FBRS: variants seen among roughly 807,000 people sequenced by gnomAD.
FBRS encodes the protein probable fibrosin-1.
A neutral mutation model predicts 86.1 loss-of-function variants in FBRS; 15 were observed. That is an observed-to-expected ratio of 0.17 (90% CI 0.12 to 0.27). The LOEUF (loss-of-function observed/expected upper bound fraction) is 0.27. Among genes scored for constraint, FBRS ranks in the 10% least tolerant of loss-of-function variants. The pLI, the probability that FBRS is intolerant of heterozygous loss-of-function variation, is 1.00. For synonymous variants in FBRS, 666 were observed against 575.8 expected, an observed-to-expected ratio of 1.16 and a Z score of -2.24; for missense variants, 1,367 against 1,301.6, an observed-to-expected ratio of 1.05 and a Z score of -0.77.
Position 30,669,398 on chromosome 16 carries a change from A to C in FBRS, c.2696A>C (p.Glu899Ala). The change falls in exon 18 of 18, where the codon GAG becomes GCG. Residue 899 changes from glutamate (E) to alanine (A), a missense_variant. By Grantham distance (107) the Glu-to-Ala change is moderately radical (BLOSUM62 -1). Around this residue, in one of 3 missense-constraint regions of FBRS, gnomAD observed 659 missense variants for 678.8 expected, o/e 0.97. Coordinates refer to ENST00000356166, the MANE Select transcript of FBRS (RefSeq NM_001105079.3). This position sits in a 1 kb window ranked among gnomAD's most constrained non-coding sequence, Gnocchi z 5.9. ...CTGGCAAGGCCACCCCGCTTCTATGAGGCGGGTGAGGAGCTAACTGGACCC... is the reference window on the plus strand; with the variant it reads ...CTGGCAAGGCCACCCCGCTTCTATGCGGCGGGTGAGGAGCTAACTGGACCC... ...PRLARPPRFY[E>A]AGEELTGPGA... The C allele has an allele frequency of 6.2e-7, 1 of 1,612,674 alleles. No homozygotes were observed. Among genetic ancestry groups the C allele is most frequent in the Non-Finnish European group, 8.5e-7 (1 of 1,179,740 alleles).
intron 4 of FBRS, among the ~76,000 whole-genome samples, chr16:30,661,788 G>A (rs547186134): frequency 6.6e-6 from 1 of 152,062 alleles, no homozygotes; most frequent in Admixed American, 6.5e-5. Flanking sequence ...GGGGCGATTT[G>A]CTTGTTGTGA....
chr16:30,660,585 C>T (rs2052447392), intron 2 of FBRS, 143 bp downstream of exon 2: 3 of 1,238,198 alleles, frequency 2.4e-6, no homozygotes, highest in Non-Finnish European at 3.1e-6. Context: ...AGCCCTTACT[C>T]ATCCGGGTCT....
At position 30,665,974 on chromosome 16, in the gene FBRS, T is replaced by G. The variant is rs1401915427; in HGVS notation, c.1773+268T>G. ...CTTTTTAATAAAGTTACAAAACACT[T>G]TTTTTCCAAATGACATCATACCAGG... On this transcript the variant is annotated intron_variant, in intron 11 of 17. Transcript: ENST00000356166. The surrounding 1 kb of genome is among the most constrained non-coding windows in gnomAD (Gnocchi z 4.1). 1.0e-5 allele frequency: 5 copies of G among 489,630 alleles called. No homozygotes were observed. Among genetic ancestry groups the G allele is most frequent in the Non-Finnish European group, 1.8e-5 (5 of 277,182 alleles). 30.3% of individuals were successfully genotyped at this position (489,630 alleles called of 1,614,324 possible). A position where few individuals can be genotyped will look rare whatever the true frequency, so the allele number is the denominator to read the frequency against.
chr16:30,662,877 A>C lies in FBRS; in HGVS notation c.1055+18A>C. Reference sequence around the variant, plus strand: ...ACTGGCAGGTGAGTGGTCTTGGGGGATTGATGCGGTCCGGAAGGGCCTGGT... The same window carrying C: ...ACTGGCAGGTGAGTGGTCTTGGGGGCTTGATGCGGTCCGGAAGGGCCTGGT... On this transcript the variant is annotated intron_variant, in intron 6 of 17. Transcript: ENST00000356166. 7.0e-7 allele frequency: 1 copy of C among 1,431,106 alleles called. No individual in the cohort carries two copies. Among genetic ancestry groups the C allele is most frequent in the Non-Finnish European group, 9.2e-7 (1 of 1,088,074 alleles). The allele number at this position is 1,431,106 out of a possible 1,614,324, so 88.7% of individuals were successfully genotyped here. A position where few individuals can be genotyped will look rare whatever the true frequency, so the allele number is the denominator to read the frequency against.
In FBRS at chr16:30,668,663, G is replaced by C; in HGVS notation, c.2158+20G>C. 6.3e-7 allele frequency: 1 copy of C among 1,592,462 alleles called. No individual in the cohort carries two copies. The highest frequency in any genetic ancestry group is 1.3e-5 in the African/African-American group (1 of 74,656). ...CATTCAGTGAGTGCGGGTGCGGTGG[G>C]GTGGGGGGGCTGCGGCCACAGGGTG... On this transcript the variant is annotated intron_variant, in intron 16 of 17. Coordinates refer to ENST00000356166, the MANE Select transcript of FBRS (RefSeq NM_001105079.3).
Position 30,669,240 on chromosome 16 carries a change from C to A in FBRS, c.2538C>A (p.Ala846=). Reference sequence around the variant, plus strand: ...CTGCTGCCGCCGCCGCTGCCGCCGCCGCAGCAGCCACTGGGCCCCAGGGCC... The same window carrying A: ...CTGCTGCCGCCGCCGCTGCCGCCGCAGCAGCAGCCACTGGGCCCCAGGGCC... ...AAAAAAAAAA[A]AAATGPQGLH... The change falls in exon 18 of 18, where the codon GCC becomes GCA. Residue 846 remains alanine, a synonymous_variant. Transcript: ENST00000356166. This position sits in a 1 kb window ranked among gnomAD's most constrained non-coding sequence, Gnocchi z 5.9. 1.3e-6 allele frequency: 2 copies of A among 1,551,960 alleles called. No individual in the cohort carries two copies. Among genetic ancestry groups the A allele is most frequent in the Non-Finnish European group, 1.7e-6 (2 of 1,148,070 alleles).
At chr16:30,667,694 C>T (rs2052540104) in intron 15 of FBRS, 72 bp downstream of exon 15, 3 of 1,351,242 alleles carry the variant, frequency 2.2e-6, no homozygotes, top group African/African-American at 1.5e-5. Context: ...TCAGACCCAG[C>T]AGGCAGCTGG....
In FBRS at chr16:30,659,035, TAAA is replaced by T. The variant is rs2052419968; in HGVS notation, c.-483_-481del. The stretch of plus-strand genomic sequence containing the variant: ...GCTGTTAGAAGGACCCTGGACTCCT[TAAA>T]GGGGTGGCCTCTTTGAGCCGGAGGA... On this transcript the variant is annotated 5_prime_UTR_variant, in exon 1 of 18. Coordinates refer to ENST00000356166, the MANE Select transcript of FBRS (RefSeq NM_001105079.3). The T allele has an allele frequency of 1.3e-5, 2 of 152,254 alleles. No homozygotes were observed. Among genetic ancestry groups the T allele is most frequent in the African/African-American group, 4.8e-5 (2 of 41,526 alleles). The allele number at this position is 152,254 out of a possible 1,614,324, so 9.4% of individuals were successfully genotyped here. A position where few individuals can be genotyped will look rare whatever the true frequency, so the allele number is the denominator to read the frequency against.
Position 30,664,329 on chromosome 16 carries a change from C to G in FBRS, c.1170C>G (p.Thr390=). The change falls in exon 7 of 18, where the codon ACC becomes ACG. Residue 390 remains threonine, a synonymous_variant. Coordinates refer to ENST00000356166, the MANE Select transcript of FBRS (RefSeq NM_001105079.3). ...CCTCCTCCTCGTCCGCGCAGCTCAC[C>G]CACCGGCCCCCGACGCCCTCACTGC... ...SSASSSSAQL[T]HRPPTPSLPL... is the part of the protein sequence containing the mutation. 6.5e-7 allele frequency: 1 copy of G among 1,544,542 alleles called. No homozygotes were observed. Among genetic ancestry groups the G allele is most frequent in the South Asian group, 1.2e-5 (1 of 83,606 alleles).
At chr16:30,668,262 G>C (rs1299434069) in intron 15 of FBRS, 3 of 391,526 alleles carry the variant, frequency 7.7e-6, no homozygotes, top group African/African-American at 6.1e-5. Flanking sequence ...GCCCTGGGTT[G>C]GTACCGCTCC....
rs1205441397 is a variant in FBRS, at chr16:30,665,876, A to G, written c.1773+170A>G. ...TAAATAGCTGGCTTTCCCAGGCATGAGGAATGAGAGTTTCATGAGCTTGTC... is the reference window on the plus strand; with the variant it reads ...TAAATAGCTGGCTTTCCCAGGCATGGGGAATGAGAGTTTCATGAGCTTGTC... On this transcript the variant is annotated intron_variant, in intron 11 of 17. Transcript: ENST00000356166. This position sits in a 1 kb window ranked among gnomAD's most constrained non-coding sequence, Gnocchi z 4.1. 6.7e-6 allele frequency: 4 copies of G among 599,100 alleles called. No individual in the cohort carries two copies. The highest frequency in any genetic ancestry group is 1.9e-5 in the African/African-American group (1 of 53,346). The allele number at this position is 599,100 out of a possible 1,614,324, so 37.1% of individuals were successfully genotyped here.
In FBRS at chr16:30,660,249, C is replaced by G. The variant is rs1310102454; in HGVS notation, c.460-14C>G. The G allele has an allele frequency of 7.5e-7, 1 of 1,328,998 alleles. No individual in the cohort carries two copies. The highest frequency in any genetic ancestry group is 1.5e-5 in the African/African-American group (1 of 65,200). The allele number at this position is 1,328,998 out of a possible 1,614,324, so 82.3% of individuals were successfully genotyped here. The stretch of plus-strand genomic sequence containing the variant: ...CCTTTTCCATCTATCTCAGCCCCAC[C>G]TCCTCCTCCACAGAAGGATGCATCT... On this transcript the variant is annotated splice_polypyrimidine_tract_variant and intron_variant, in intron 1 of 17. Transcript: ENST00000356166.
intron 6 of FBRS, among the ~76,000 whole-genome samples, chr16:30,663,790 C>A (rs1230306216): frequency 6.6e-6 from 1 of 152,196 alleles, no homozygotes; most frequent in Admixed American, 6.5e-5. Context: ...TGCTCAAGGT[C>A]ACCCCGGGCA....
intron 11 of FBRS, chr16:30,666,078 T>TG: frequency 2.5e-6 from 1 of 405,478 alleles, no homozygotes; most frequent in Non-Finnish European, 4.5e-6. Flanking sequence ...CCTTAGCACT[T>TG]GCAGCAGTGT....
At position 30,667,414 on chromosome 16, in the gene FBRS, C is replaced by T. The variant is rs201854581; in HGVS notation, c.1970C>T (p.Pro657Leu). The T allele has an allele frequency of 9.7e-6, 15 of 1,548,670 alleles. No individual in the cohort carries two copies. The highest frequency in any genetic ancestry group is 2.4e-5 in the East Asian group (1 of 40,868). ...CCCCCTGGGCAGGAGCTCTCCCACC[C>T]GGCCTCCCTCTTCACTGCGACTGGT... The part of the protein sequence containing the change: ...ALPPGQELSH[P>L]ASLFTATGAV... Residue 657 changes from proline to leucine, a missense_variant, in exon 14 of 18, where the codon CCG (proline) becomes CTG (leucine). This residue lies in a region of FBRS where 659 missense variants were observed against 678.8 expected (regional missense o/e 0.97). Transcript: ENST00000356166.
intron 4 of FBRS, 174 bp from the exon 5 acceptor site, chr16:30,662,246 T>C: frequency 1.0e-6 from 1 of 1,000,826 alleles, no homozygotes; most frequent in Admixed American, 2.8e-5. Flanking sequence ...CCACTCTGCT[T>C]TTTCTCCAAG....
Position 30,664,793 on chromosome 16 carries a change from G to C in FBRS, c.1436G>C (p.Gly479Ala). The change falls in exon 8 of 18, where the codon GGC (glycine) becomes GCC (alanine). Residue 479 changes from glycine to alanine, a missense_variant. By Grantham distance (60) the Gly-to-Ala change is moderately conservative. Transcript: ENST00000356166. ...QGGPEVVGAGGSARPLAFQFH... is the reference protein window; with the variant it reads ...QGGPEVVGAGASARPLAFQFH... ...GGCCCTGAGGTGGTGGGGGCAGGGG[G>C]CTCGGCCCGGCCCCTGGCCTTCCAG... The C allele has an allele frequency of 6.4e-7, 1 of 1,554,016 alleles. No homozygotes were observed. Among genetic ancestry groups the C allele is most frequent in the Non-Finnish European group, 8.7e-7 (1 of 1,148,356 alleles).
At chr16:30,662,969 A>AG in intron 6 of FBRS, 110 bp downstream of exon 6, 3 of 1,323,448 alleles carry the variant, frequency 2.3e-6, no homozygotes, top group Non-Finnish European at 2.9e-6. Context: ...TCTGAGACTG[A>AG]AAAGTTTGAG....
Position 30,669,183 on chromosome 16 carries a change from G to A in FBRS, c.2481G>A (p.Arg827=). Residue 827 remains arginine (R), a synonymous_variant, in exon 18 of 18, where the codon CGG becomes CGA. Transcript: ENST00000356166. This position sits in a 1 kb window ranked among gnomAD's most constrained non-coding sequence, Gnocchi z 5.9. ...AATCTGTGCGGGTAAAGGAAGAGCG[G>A]AAGGAGGAGGCTGCCGCCGCCGCTG... ...TKESVRVKEE[R]KEEAAAAAAA... is the part of the protein sequence containing the mutation. The A allele has an allele frequency of 6.4e-7, 1 of 1,551,100 alleles. No individual in the cohort carries two copies. Among genetic ancestry groups the A allele is most frequent in the Non-Finnish European group, 8.7e-7 (1 of 1,147,638 alleles).
Sources: allele counts gnomAD v4.1 joint callset (sites outside exome capture counted in the v4.1 genomes callset), GRCh38; gene constraint gnomAD v4.1.1; regional missense constraint gnomAD v4.1.1; non-coding constraint Gnocchi (gnomAD v3.1); transcripts MANE v1.5; gene names NCBI Gene and HGNC (gene_info 2026-07-23, HGNC 2026-07-21).